Variants in TLN2 observed in about 807,000 individuals in gnomAD.
TLN2 encodes talin 2.
A neutral mutation model predicts 294.7 loss-of-function variants in TLN2; 118 were observed. The observed-to-expected ratio is 0.40, with a 90% CI of 0.34 to 0.47. TLN2 has a LOEUF of 0.47. Among genes scored for constraint, TLN2 ranks in the 20% least tolerant of loss-of-function variants. The pLI is 0.84. For synonymous variants in TLN2, 1,431 were observed against 1,304.5 expected (o/e 1.10, Z -2.09); for missense variants, 3,083 against 3,282.2 (o/e 0.94, Z 1.48).
intron 19 of TLN2, among the ~76,000 whole-genome samples, chr15:62,703,249 C>T (rs1265527899): frequency 2.6e-5 from 4 of 151,868 alleles, no homozygotes; most frequent in Non-Finnish European, 5.9e-5. Flanking sequence ...ATTACAGGTG[C>T]ACGCCACCAT....
At chr15:62,643,723 A>C (rs2051451570) in intron 3 of TLN2, among the ~76,000 whole-genome samples, 1 of 152,060 alleles carries the variant, frequency 6.6e-6, no homozygotes, top group Non-Finnish European at 1.5e-5. Context: ...GGGAATTGAC[A>C]TGTCCAGAGG....
At chr15:62,532,053 CT>C (rs68187150) in intron 1 of TLN2, among the ~76,000 whole-genome samples, 91 of 144,662 alleles carry the variant, frequency 6.3e-4, no homozygotes, top group Non-Finnish European at 4.9e-4. Flanking sequence ...TTTCTCTTTT[CT>C]TTTTTTTTTT....
At chr15:62,547,618 A>G (rs2042066674) in intron 1 of TLN2, among the ~76,000 whole-genome samples, 1 of 152,196 alleles carries the variant, frequency 6.6e-6, no homozygotes, top group Non-Finnish European at 1.5e-5. Flanking sequence ...TGTTCGGTGG[A>G]TGCCTTGGGC....
chr15:62,450,072 A>G (rs573953630), intron 1 of TLN2, among the ~76,000 whole-genome samples: 1 of 152,050 alleles, frequency 6.6e-6, no homozygotes, highest in Non-Finnish European at 1.5e-5. Flanking sequence ...TTACTTTCCT[A>G]ATGTTTTCTG....
chr15:62,827,094 GC>G (rs904512491), intron 54 of TLN2, among the ~76,000 whole-genome samples: 29 of 152,304 alleles, frequency 1.9e-4, no homozygotes, highest in African/African-American at 6.7e-4. Flanking sequence ...AGGGAGGGAG[GC>G]AAGCCCTTTG....
At chr15:62,836,665 C>CCTTCTGAG (rs1555527175) in intron 57 of TLN2, among the ~76,000 whole-genome samples, 2 of 151,832 alleles carry the variant, frequency 1.3e-5, no homozygotes, top group African/African-American at 4.9e-5. Flanking sequence ...ACAATCAAGT[C>CCTTCTGAG]CTTCTCAGAG....
Position 62,649,908 on chromosome 15 carries a change from TAC to T in TLN2, c.137-175_137-174del, listed in dbSNP as rs767025212. 260 of 578,800 alleles carry T rather than the reference TAC, an allele frequency of 4.5e-4. 1 individual carries two copies. The Middle Eastern group carries it at 4.8e-3, about 11-fold the overall frequency. The allele number at this position is 578,800 out of a possible 1,614,324, so 35.9% of individuals were successfully genotyped here. ...GGTGTTGCTTCTGCAACTCAACTCTTACTCCTCCAGATCTGCTCCAGCCCTGA... is the reference window on the plus strand; with the variant it reads ...GGTGTTGCTTCTGCAACTCAACTCTTTCCTCCAGATCTGCTCCAGCCCTGA... On this transcript the variant is annotated intron_variant, in intron 4 of 58. Coordinates refer to ENST00000636159, the MANE Select transcript of TLN2 (RefSeq NM_015059.3).
chr15:62,615,852 G>A (rs2048273281), intron 2 of TLN2, among the ~76,000 whole-genome samples: 1 of 152,138 alleles, frequency 6.6e-6, no homozygotes, highest in Admixed American at 6.5e-5. Context: ...GAGTGTGTGG[G>A]TTTCTCCATA....
chr15:62,813,114 T>G (rs999926599), intron 52 of TLN2, among the ~76,000 whole-genome samples: 7 of 152,236 alleles, frequency 4.6e-5, no homozygotes, highest in Non-Finnish European at 8.8e-5. Context: ...TGCCAGGGCC[T>G]AGGCAAGAAC....
Position 62,723,798 on chromosome 15 carries a change from C to T in TLN2, c.3127-1178C>T, listed in dbSNP as rs2060286223. Among the ~76,000 whole-genome samples, 3 of 151,852 alleles carry T rather than the reference C, an allele frequency of 2.0e-5. No individual in the cohort carries two copies. The South Asian group carries it at 6.2e-4, about 32-fold the overall frequency. ...CTCCTGAGCTCAAGTAATCCTCCCACTTGAGCCTCCCAAAGTGTTAGGATT... is the reference window on the plus strand; with the variant it reads ...CTCCTGAGCTCAAGTAATCCTCCCATTTGAGCCTCCCAAAGTGTTAGGATT... On this transcript the variant is annotated intron_variant, in intron 26 of 58. Transcript: ENST00000636159.
At chr15:62,478,600 TC>T (rs2037915223) in intron 1 of TLN2, among the ~76,000 whole-genome samples, 1 of 152,092 alleles carries the variant, frequency 6.6e-6, no homozygotes, top group Non-Finnish European at 1.5e-5. Flanking sequence ...CTCGATTGTT[TC>T]TGGTAGTCTG....
intron 29 of TLN2, among the ~76,000 whole-genome samples, chr15:62,737,552 G>T (rs917680498): frequency 6.6e-6 from 1 of 152,238 alleles, no homozygotes; most frequent in East Asian, 1.9e-4. Flanking sequence ...AGTCCTGGAC[G>T]TGGGGCTGGG....
chr15:62,438,942 AC>A (rs1797955193), intron 1 of TLN2, among the ~76,000 whole-genome samples: 2 of 152,258 alleles, frequency 1.3e-5, no homozygotes, highest in East Asian at 3.9e-4. Flanking sequence ...TTTCTTTTGT[AC>A]TTAGGATTTA....
intron 1 of TLN2, among the ~76,000 whole-genome samples, chr15:62,488,195 C>CA (rs1355057827): frequency 6.6e-6 from 1 of 151,992 alleles, no homozygotes; most frequent in Non-Finnish European, 1.5e-5. Context: ...ATTGATCATA[C>CA]AAAAAAATAA....
intron 1 of TLN2, among the ~76,000 whole-genome samples, chr15:62,437,211 C>A (rs2035327322): frequency 6.6e-6 from 1 of 152,172 alleles, no homozygotes; most frequent in Non-Finnish European, 1.5e-5. Context: ...AGGGCGTCTC[C>A]CATGTTGGTG....
intron 1 of TLN2, among the ~76,000 whole-genome samples, chr15:62,450,700 G>A (rs2036085259): frequency 6.6e-6 from 1 of 152,038 alleles, no homozygotes; most frequent in Non-Finnish European, 1.5e-5. Flanking sequence ...TTAGCCTCCT[G>A]AGTAGCTGAG....
intron 2 of TLN2, among the ~76,000 whole-genome samples, chr15:62,599,985 G>A (rs560726981): frequency 6.6e-6 from 1 of 152,276 alleles, no homozygotes; most frequent in South Asian, 2.1e-4. Context: ...CTGCAGTGCC[G>A]AGGGGTCTCT....
chr15:62,425,039 G>T (rs903975589), intron 1 of TLN2, among the ~76,000 whole-genome samples: 1 of 143,856 alleles, frequency 7.0e-6, no homozygotes, highest in Non-Finnish European at 1.5e-5. Context: ...TGCAGCCTCT[G>T]CCTCCCCAGT....
At chr15:62,609,088 CA>C (rs1159194041) in intron 2 of TLN2, among the ~76,000 whole-genome samples, 1 of 151,926 alleles carries the variant, frequency 6.6e-6, no homozygotes, top group Non-Finnish European at 1.5e-5. Context: ...GATGAAGAAA[CA>C]AAAATGAACG....
Sources: allele counts gnomAD v4.1 joint callset (sites outside exome capture counted in the v4.1 genomes callset), GRCh38; gene constraint gnomAD v4.1.1; transcripts MANE v1.5; gene names NCBI Gene and HGNC (gene_info 2026-07-23, HGNC 2026-07-21).